The following ST13 variants were observed in gnomAD, a reference collection of about 807,000 sequenced individuals.
The protein encoded by ST13 is ST13 Hsp70 interacting protein.
In ST13, 23 loss-of-function variants were observed where a neutral mutation model predicts 56.7. The ratio of observed to expected loss-of-function variants is 0.41; its 90% CI spans 0.29 to 0.57. The LOEUF is 0.57. ST13 is among the 20% of genes least tolerant of loss of function. The pLI is 0.36. For synonymous variants in ST13, 132 were observed against 142.4 expected, an observed-to-expected ratio of 0.93 and a Z score of 0.52; for missense variants, 369 against 459.9, an observed-to-expected ratio of 0.80 and a Z score of 1.81.
chr22:40,838,901 A>G (rs929007419), intron 5 of ST13, among the ~76,000 whole-genome samples: 2 of 125,620 alleles, frequency 1.6e-5, no homozygotes, highest in Non-Finnish European at 3.3e-5. Context: ...GAGAAACAGT[A>G]TAGCATAAAT....
intron 7 of ST13, among the ~76,000 whole-genome samples, chr22:40,833,344 C>G (rs2145734970): frequency 6.7e-6 from 1 of 149,230 alleles, no homozygotes; most frequent in East Asian, 2.0e-4. Flanking sequence ...CCGAGGCGGG[C>G]AGAACGCGAG....
intron 1 of ST13, among the ~76,000 whole-genome samples, chr22:40,856,073 T>C (rs1055280403): frequency 5.3e-5 from 8 of 152,204 alleles, no homozygotes; most frequent in Admixed American, 1.3e-4. Flanking sequence ...CAATGAGACC[T>C]GAGCAGGGCA....
At chr22:40,839,339 G>A (rs1412592141) in intron 5 of ST13, among the ~76,000 whole-genome samples, 2 of 152,094 alleles carry the variant, frequency 1.3e-5, no homozygotes, top group Admixed American at 1.3e-4. Context: ...CTATACAATA[G>A]CATCTAGTCA....
intron 4 of ST13, 129 bp from the exon 5 acceptor site, chr22:40,840,821 CAA>C (rs774712827): frequency 3.3e-5 from 23 of 698,514 alleles, no homozygotes; most frequent in South Asian, 7.8e-5. Flanking sequence ...CTCCAGAGAA[CAA>C]AGAGACAATT....
At position 40,855,935 on chromosome 22, in the gene ST13, TAAGGTAA is replaced by T. The variant is rs142576504; in HGVS notation, c.110+489_110+495del. On this transcript the variant is annotated intron_variant, in intron 1 of 11. Transcript: ENST00000216218. The stretch of plus-strand genomic sequence containing the variant: ...TAATCCTACGCAGCTACAAACGCTG[TAAGGTAA>T]AAACAATCATTTTTACAGTTATCAT... Among the ~76,000 whole-genome samples the T allele has an allele frequency of 5.4e-3, 816 of 152,178 alleles. 11 individuals are homozygous for T. Among genetic ancestry groups the T allele is most frequent in the African/African-American group, 0.019 (783 of 41,414 alleles).
chr22:40,852,634 G>A (rs959750872), intron 1 of ST13, among the ~76,000 whole-genome samples: 2 of 152,148 alleles, frequency 1.3e-5, no homozygotes, highest in African/African-American at 4.8e-5. Flanking sequence ...TAATATGATA[G>A]AAGAAAATGT....
At chr22:40,838,045 A>G (rs759155593) in intron 5 of ST13, among the ~76,000 whole-genome samples, 15 of 152,226 alleles carry the variant, frequency 9.9e-5, no homozygotes, top group African/African-American at 3.6e-4. Flanking sequence ...CCATACATTT[A>G]GTTCAGGAGT....
intron 7 of ST13, among the ~76,000 whole-genome samples, chr22:40,834,720 C>G (rs967011549): frequency 7.2e-5 from 11 of 152,148 alleles, no homozygotes; most frequent in African/African-American, 2.7e-4. Context: ...GATGAGCCAA[C>G]GCTGTCTTGT....
At chr22:40,840,523 G>T in intron 5 of ST13, 103 bp downstream of exon 5, 2 of 988,746 alleles carry the variant, frequency 2.0e-6, no homozygotes, top group Non-Finnish European at 3.1e-6. Context: ...ATCTTCTCCA[G>T]TATAGGACAG....
chr22:40,826,486 G>C lies in ST13; in HGVS notation c.*52C>G. ...GTTTGTATTATTGCGACATCCATAA[G>C]GTGATCTAGGTTGCTTTTCCTTCAG... On this transcript the variant is annotated 3_prime_UTR_variant, in exon 12 of 12. Coordinates refer to ENST00000216218, the MANE Select transcript of ST13 (RefSeq NM_003932.5). The C allele has an allele frequency of 6.3e-7, 1 of 1,583,370 alleles. No individual in the cohort carries two copies. The highest frequency in any genetic ancestry group is 8.5e-7 in the Non-Finnish European group (1 of 1,170,306).
intron 2 of ST13, 27 bp from the exon 3 acceptor site, chr22:40,848,396 A>G (rs747141264): frequency 2.9e-6 from 4 of 1,383,934 alleles, no homozygotes; most frequent in South Asian, 1.2e-5. Flanking sequence ...AAACAGTACT[A>G]TCAGTATTTA....
At chr22:40,831,508 C>G (rs1188981438) in intron 8 of ST13, among the ~76,000 whole-genome samples, 1 of 152,140 alleles carries the variant, frequency 6.6e-6, no homozygotes, top group Non-Finnish European at 1.5e-5. Flanking sequence ...AATAAATGCT[C>G]TGGATGTTAT....
At chr22:40,850,509 C>T (rs2057856065) in intron 2 of ST13, among the ~76,000 whole-genome samples, 1 of 152,192 alleles carries the variant, frequency 6.6e-6, no homozygotes, top group South Asian at 2.1e-4. Flanking sequence ...ATGCATATGA[C>T]ACACTGTAAG....
intron 3 of ST13, among the ~76,000 whole-genome samples, chr22:40,847,707 C>T (rs895666893): frequency 5.3e-5 from 8 of 151,676 alleles, no homozygotes; most frequent in Non-Finnish European, 7.4e-5. Flanking sequence ...GTGTAAAATA[C>T]CCTTTGGAGT....
intron 2 of ST13, 32 bp from the exon 3 acceptor site, chr22:40,848,401 T>C (rs753536106): frequency 5.6e-5 from 75 of 1,346,096 alleles, no homozygotes; most frequent in Non-Finnish European, 7.7e-5. Flanking sequence ...GTACTATCAG[T>C]ATTTAATAAC....
At chr22:40,853,569 G>A (rs905507519) in intron 1 of ST13, among the ~76,000 whole-genome samples, 1 of 152,194 alleles carries the variant, frequency 6.6e-6, no homozygotes, top group Non-Finnish European at 1.5e-5. Context: ...TAGGACCAGT[G>A]TAGAGACTTT....
At chr22:40,841,421 A>C (rs1445929574) in intron 4 of ST13, among the ~76,000 whole-genome samples, 6 of 152,120 alleles carry the variant, frequency 3.9e-5, no homozygotes, top group African/African-American at 1.4e-4. Flanking sequence ...ACATCCTCCT[A>C]AAATGGAAAG....
At chr22:40,834,173 C>A (rs1036761262) in intron 7 of ST13, among the ~76,000 whole-genome samples, 9 of 151,930 alleles carry the variant, frequency 5.9e-5, no homozygotes, top group African/African-American at 2.2e-4. Flanking sequence ...CCCAGCTACT[C>A]AGAAGGCTGA....
chr22:40,841,768 T>C lies in ST13; in HGVS notation c.316-1076A>G, dbSNP rs566580572. Among the ~76,000 whole-genome samples, 6 of 152,100 alleles carry C rather than the reference T, an allele frequency of 3.9e-5. No homozygotes were observed. The South Asian group carries it at 1.2e-3, about 32-fold the overall frequency. ...AACCTACTAAATGTTTTGCTTTTTT[T>C]TTTTTATAGAGACGGGTTTTCATCA... is the stretch of plus-strand genomic sequence containing the variant. On this transcript the variant is annotated intron_variant, in intron 4 of 11. Transcript: ENST00000216218.
Sources: allele counts gnomAD v4.1 joint callset (sites outside exome capture counted in the v4.1 genomes callset), GRCh38; gene constraint gnomAD v4.1.1; transcripts MANE v1.5; gene names NCBI Gene and HGNC (gene_info 2026-07-23, HGNC 2026-07-21).